Variants in MBD5 observed in about 807,000 individuals in gnomAD.
MBD5 encodes the protein methyl-CpG-binding domain protein 5.
MBD5 carries 13 observed loss-of-function variants against 117.3 expected under a neutral mutation model. That is an observed-to-expected ratio of 0.11 (90% CI 0.07 to 0.18). MBD5 has a LOEUF of 0.18. MBD5 is among the 10% of genes least tolerant of loss of function. The pLI is 1.00. For synonymous variants in MBD5, 727 were observed against 766.4 expected, an observed-to-expected ratio of 0.95 and a Z score of 0.85; for missense variants, 1,879 against 2,093.8, an observed-to-expected ratio of 0.90 and a Z score of 2.00.
At chr2:148,027,724 C>A (rs750477023) in intron 1 of MBD5, 3 of 152,062 alleles carry the variant, frequency 2.0e-5, no homozygotes, top group Non-Finnish European at 4.4e-5. Context: ...TAAGGGATAT[C>A]AACTTTTATT....
At chr2:148,250,855 G>C (rs1700448958) in intron 3 of MBD5, among the ~76,000 whole-genome samples, 2 of 152,166 alleles carry the variant, frequency 1.3e-5, no homozygotes, top group Admixed American at 1.3e-4. Context: ...CTGATCCCAA[G>C]TTTTCTAACT....
intron 4 of MBD5, among the ~76,000 whole-genome samples, chr2:148,365,560 A>G (rs558787832): frequency 1.3e-5 from 2 of 152,332 alleles, no homozygotes; most frequent in Admixed American, 6.5e-5. Context: ...GAAAAGATTA[A>G]CAAAATACAT....
chr2:148,255,555 G>C (rs1218286153), intron 3 of MBD5, among the ~76,000 whole-genome samples: 4 of 152,172 alleles, frequency 2.6e-5, no homozygotes, highest in Admixed American at 2.0e-4. Flanking sequence ...CTGCCTTCAG[G>C]TGCACTAGGT....
intron 11 of MBD5, among the ~76,000 whole-genome samples, chr2:148,493,786 A>G (rs1681603187): frequency 6.6e-6 from 1 of 152,200 alleles, no homozygotes; most frequent in African/African-American, 2.4e-5. Flanking sequence ...TTCTGAGATG[A>G]TTTCCTAAAA....
At chr2:148,197,722 T>G (rs1277303829) in intron 2 of MBD5, among the ~76,000 whole-genome samples, 1 of 152,068 alleles carries the variant, frequency 6.6e-6, no homozygotes, top group African/African-American at 2.4e-5. Context: ...TGTGATTTAG[T>G]GTTTTCTTTC....
Position 148,516,108 on chromosome 2 carries a change from GGAAGA to G in MBD5, c.*3171_*3175del, listed in dbSNP as rs1682338966. On this transcript the variant is annotated 3_prime_UTR_variant, in exon 14 of 14. Transcript: ENST00000642680. The stretch of plus-strand genomic sequence containing the variant: ...TTGAACGTAACACTGCAGAATTGCA[GGAAGA>G]GAAAAGGGCAGTTAGTTATTTCACT... 6.6e-6 allele frequency: 1 copy of G among 152,274 alleles called. No individual in the cohort carries two copies. Among genetic ancestry groups the G allele is most frequent in the South Asian group, 2.1e-4 (1 of 4,824 alleles). The allele number at this position is 152,274 out of a possible 1,614,324, so 9.4% of individuals were successfully genotyped here.
intron 3 of MBD5, among the ~76,000 whole-genome samples, chr2:148,338,508 C>T (rs573363455): frequency 7.9e-5 from 12 of 152,038 alleles, no homozygotes; most frequent in Middle Eastern, 3.4e-3. Context: ...CAATAAAGAC[C>T]GTATAAAGTG....
rs1559026407 is a variant in MBD5 at position 148,330,053 on chromosome 2, CACA to C, written c.-679-12160_-679-12158del. On this transcript the variant is annotated intron_variant, in intron 3 of 13. Coordinates refer to ENST00000642680, the MANE Select transcript of MBD5 (RefSeq NM_001378120.1). ...TAAGAACCCCCCCCCGCCCCCCCCA[CACA>C]CACACACACACTGCCTAAAGCCCTC... 7.1e-4 allele frequency among the ~76,000 whole-genome samples: 15 copies of C among 21,088 alleles called. 2 individuals carry two copies. Among genetic ancestry groups the C allele is most frequent in the Non-Finnish European group, 7.5e-4 (7 of 9,380 alleles). The allele number at this position is 21,088 out of a possible 152,430, so 13.8% of individuals were successfully genotyped here. A position where few individuals can be genotyped will look rare whatever the true frequency, so the allele number is the denominator to read the frequency against.
intron 2 of MBD5, among the ~76,000 whole-genome samples, chr2:148,210,152 A>G (rs145361046): frequency 9.2e-4 from 140 of 152,264 alleles, no homozygotes; most frequent in Middle Eastern, 6.8e-3. Flanking sequence ...TTTTATTTTC[A>G]TTTCACAAAG....
Position 148,470,044 on chromosome 2 carries a change from A to T in MBD5, c.2101A>T (p.Met701Leu). 1 of 1,613,834 alleles carries T rather than the reference A, an allele frequency of 6.2e-7. No homozygotes were observed. Among genetic ancestry groups the T allele is most frequent in the Non-Finnish European group, 8.5e-7 (1 of 1,179,872 alleles). Residue 701 changes from methionine (M) to leucine (L), a missense_variant, in exon 8 of 14, where the codon ATG becomes TTG. Coordinates refer to ENST00000642680, the MANE Select transcript of MBD5 (RefSeq NM_001378120.1). Reference sequence around the variant, plus strand: ...TCAGGGTTCATTTCCCATCAGTTCAATGTCTCAGTTACTACAGTCTATGAG... The same window carrying T: ...TCAGGGTTCATTTCCCATCAGTTCATTGTCTCAGTTACTACAGTCTATGAG... The part of the protein sequence containing the change: ...QGQGSFPISS[M>L]SQLLQSMSCQ...
At chr2:148,083,061 T>C (rs1416353150) in intron 1 of MBD5, among the ~76,000 whole-genome samples, 2 of 152,204 alleles carry the variant, frequency 1.3e-5, no homozygotes, top group Non-Finnish European at 2.9e-5. Flanking sequence ...CCAAGTCTGT[T>C]TGGTCCCCGA....
intron 10 of MBD5, among the ~76,000 whole-genome samples, chr2:148,488,165 G>A (rs1681397794): frequency 6.6e-6 from 1 of 152,230 alleles, no homozygotes; most frequent in Non-Finnish European, 1.5e-5. Context: ...GACGGGTATA[G>A]TTGCAGAGAA....
At chr2:148,043,077 C>T (rs1345630995) in intron 1 of MBD5, among the ~76,000 whole-genome samples, 1 of 151,966 alleles carries the variant, frequency 6.6e-6, no homozygotes, top group Non-Finnish European at 1.5e-5. Context: ...ATCGGAATCA[C>T]CTGAGTTGCA....
At chr2:148,351,567 C>T (rs1703250400) in intron 4 of MBD5, among the ~76,000 whole-genome samples, 1 of 88,894 alleles carries the variant, frequency 1.1e-5, no homozygotes, top group Admixed American at 9.9e-5. Context: ...TGCTGCTGCA[C>T]ACACTTGTGT....
At chr2:148,482,741 C>T (rs1265447145) in intron 8 of MBD5, among the ~76,000 whole-genome samples, 1 of 152,034 alleles carries the variant, frequency 6.6e-6, no homozygotes, top group Non-Finnish European at 1.5e-5. Context: ...CTTTTATCTA[C>T]CCAATTGAAT....
chr2:148,237,509 A>G (rs758144063), intron 3 of MBD5, among the ~76,000 whole-genome samples: 1 of 152,178 alleles, frequency 6.6e-6, no homozygotes, highest in East Asian at 1.9e-4. Context: ...CAGGCATTGG[A>G]GTATTCAGAA....
chr2:148,399,821 A>G (rs1704859331), intron 4 of MBD5, among the ~76,000 whole-genome samples: 1 of 152,174 alleles, frequency 6.6e-6, no homozygotes, highest in African/African-American at 2.4e-5. Context: ...ATTTTGAGAT[A>G]CATCCCATCC....
At chr2:148,339,684 C>T (rs905360828) in intron 3 of MBD5, among the ~76,000 whole-genome samples, 2 of 152,010 alleles carry the variant, frequency 1.3e-5, no homozygotes, top group African/African-American at 4.8e-5. Flanking sequence ...CCTGCCAACA[C>T]CTAAAAGTCT....
intron 1 of MBD5, chr2:148,055,587 C>T (rs573124879): frequency 6.6e-6 from 1 of 152,354 alleles, no homozygotes; most frequent in East Asian, 1.9e-4. Flanking sequence ...CGCGTGCCAC[C>T]ACGCTCGGCT....
Sources: gnomAD v4.1 joint callset for allele counts (sites outside exome capture counted in the v4.1 genomes callset) on GRCh38, gnomAD v4.1.1 for gene constraint, MANE v1.5 for transcripts, NCBI Gene and HGNC (gene_info 2026-07-23, HGNC 2026-07-21) for gene names.